Variants in SCAMP1 observed in about 807,000 individuals in gnomAD.
SCAMP1 encodes the protein secretory carrier membrane protein 1, also known as secretory carrier-associated membrane protein 1.
Under a neutral mutation model 41.8 loss-of-function variants are expected in SCAMP1, and 15 were observed. The observed-to-expected ratio is 0.36, with a 90% CI of 0.24 to 0.55. The LOEUF (loss-of-function observed/expected upper bound fraction) is 0.55, where lower values mean the gene tolerates loss of function less well. Ranked by LOEUF, SCAMP1 falls within the 20% of genes least tolerant of loss-of-function variation. The pLI is 0.86. For missense variants in SCAMP1, 341 were observed against 412.6 expected (o/e 0.83, Z 1.50); for synonymous variants, 135 against 136.8 (o/e 0.99, Z 0.09).
At chr5:78,443,725 C>A (rs1168610844) in intron 6 of SCAMP1, among the ~76,000 whole-genome samples, 2 of 133,804 alleles carry the variant, frequency 1.5e-5, no homozygotes, top group African/African-American at 5.5e-5. Context: ...AGTAGCACAA[C>A]CATTGTTCAT....
At chr5:78,436,514 G>A (rs1294459899) in intron 6 of SCAMP1, among the ~76,000 whole-genome samples, 2 of 152,174 alleles carry the variant, frequency 1.3e-5, no homozygotes, top group Non-Finnish European at 2.9e-5. Context: ...TGTCAGGTTT[G>A]TCAAAGATCA....
intron 8 of SCAMP1, among the ~76,000 whole-genome samples, chr5:78,471,081 G>A (rs570576306): frequency 5.3e-4 from 81 of 152,286 alleles, no homozygotes; most frequent in Non-Finnish European, 1.0e-3. Flanking sequence ...TTTAGGGGGT[G>A]TAACAATGAG....
chr5:78,372,297 C>G (rs1750961735), intron 1 of SCAMP1, among the ~76,000 whole-genome samples: 1 of 152,158 alleles, frequency 6.6e-6, no homozygotes. Context: ...CCAGTCATGG[C>G]CAGGAGTTGG....
At chr5:78,408,167 A>G (rs527621446) in intron 2 of SCAMP1, among the ~76,000 whole-genome samples, 1 of 152,198 alleles carries the variant, frequency 6.6e-6, no homozygotes, top group East Asian at 1.9e-4. Context: ...GCAGTTCTAC[A>G]TGGCTGAGGA....
chr5:78,379,372 C>G (rs1751142877), intron 1 of SCAMP1, among the ~76,000 whole-genome samples: 1 of 152,208 alleles, frequency 6.6e-6, no homozygotes. Flanking sequence ...CTATGGCTTC[C>G]TCAACACTAC....
At chr5:78,374,932 A>G (rs778083826) in intron 1 of SCAMP1, among the ~76,000 whole-genome samples, 10 of 152,204 alleles carry the variant, frequency 6.6e-5, no homozygotes, top group Non-Finnish European at 1.3e-4. Flanking sequence ...CGCTAAATAC[A>G]CTTGTCTTAG....
intron 1 of SCAMP1, among the ~76,000 whole-genome samples, chr5:78,387,555 GTTTT>G (rs1055434435): frequency 6.6e-6 from 1 of 151,418 alleles, no homozygotes; most frequent in Non-Finnish European, 1.5e-5. Context: ...TACTGGAATT[GTTTT>G]TTTTGTTTCT....
chr5:78,431,908 A>C (rs1389966626), intron 6 of SCAMP1, among the ~76,000 whole-genome samples: 1 of 152,118 alleles, frequency 6.6e-6, no homozygotes, highest in African/African-American at 2.4e-5. Context: ...ATTGTGTAAT[A>C]ATTACACTAT....
chr5:78,439,382 C>A (rs923891164), intron 6 of SCAMP1, among the ~76,000 whole-genome samples: 2 of 149,072 alleles, frequency 1.3e-5, no homozygotes, highest in Admixed American at 1.3e-4. Flanking sequence ...TTAGTGCTTC[C>A]TTCAGGAGCT....
intron 6 of SCAMP1, among the ~76,000 whole-genome samples, chr5:78,435,545 G>A (rs1265344249): frequency 6.6e-6 from 1 of 152,208 alleles, no homozygotes; most frequent in African/African-American, 2.4e-5. Flanking sequence ...TCCCCGCAAA[G>A]GACATGAACT....
intron 2 of SCAMP1, among the ~76,000 whole-genome samples, chr5:78,391,879 C>A (rs1037269808): frequency 3.3e-5 from 5 of 152,166 alleles, no homozygotes; most frequent in Admixed American, 6.5e-5. Context: ...TGGCGGCGCG[C>A]GCCTGCAATC....
In SCAMP1 at chr5:78,405,900, G is replaced by A. The variant is rs187010055; in HGVS notation, c.136-9620G>A. Among the ~76,000 whole-genome samples, 5 of 152,228 alleles carry A rather than the reference G, an allele frequency of 3.3e-5. No homozygotes were observed. The East Asian group carries it at 9.6e-4, about 29-fold the overall frequency. The stretch of plus-strand genomic sequence containing the variant: ...TAATCTTCAAAAACCTTATTTTAAA[G>A]TGATTAGTCTAATAAAGTTATGTCT... On this transcript the variant is annotated intron_variant, in intron 2 of 8. Coordinates refer to ENST00000621999, the MANE Select transcript of SCAMP1 (RefSeq NM_004866.6).
chr5:78,441,291 C>A (rs1396723081), intron 6 of SCAMP1, among the ~76,000 whole-genome samples: 1 of 152,192 alleles, frequency 6.6e-6, no homozygotes, highest in Non-Finnish European at 1.5e-5. Flanking sequence ...GTCGATCATG[C>A]TGGGAGCTGC....
intron 6 of SCAMP1, among the ~76,000 whole-genome samples, chr5:78,423,131 G>A (rs1367701307): frequency 6.6e-6 from 1 of 152,070 alleles, no homozygotes; most frequent in Non-Finnish European, 1.5e-5. Context: ...AGGGAATTTG[G>A]AGAGAAAATG....
chr5:78,467,470 C>G (rs1285491594), intron 8 of SCAMP1, among the ~76,000 whole-genome samples: 1 of 152,120 alleles, frequency 6.6e-6, no homozygotes, highest in East Asian at 1.9e-4. Context: ...GGATCCACCA[C>G]ACAAAGGAAA....
At chr5:78,373,681 G>A (rs185724906) in intron 1 of SCAMP1, among the ~76,000 whole-genome samples, 1 of 152,210 alleles carries the variant, frequency 6.6e-6, no homozygotes, top group East Asian at 1.9e-4. Context: ...ATGTTTTCAT[G>A]TAGTTCCTAT....
intron 2 of SCAMP1, among the ~76,000 whole-genome samples, chr5:78,391,420 ACCTC>A (rs1751497848): frequency 2.8e-5 from 4 of 142,042 alleles, no homozygotes; most frequent in South Asian, 2.3e-4. Context: ...TGACCCCCCC[ACCTC>A]CCTCCCGGAC....
intron 8 of SCAMP1, among the ~76,000 whole-genome samples, chr5:78,461,388 C>A (rs750168581): frequency 3.9e-5 from 6 of 152,178 alleles, no homozygotes; most frequent in African/African-American, 1.4e-4. Flanking sequence ...TATTCTTCTG[C>A]ATGTGGCTAG....
chr5:78,417,107 T>C (rs1012978549), intron 4 of SCAMP1, among the ~76,000 whole-genome samples: 1 of 152,230 alleles, frequency 6.6e-6, no homozygotes, highest in Non-Finnish European at 1.5e-5. Flanking sequence ...GGTATTCATA[T>C]GATGCCAAAG....
Sources: allele counts gnomAD v4.1 joint callset (sites outside exome capture counted in the v4.1 genomes callset), GRCh38; gene constraint gnomAD v4.1.1; transcripts MANE v1.5; gene names NCBI Gene and HGNC (gene_info 2026-07-23, HGNC 2026-07-21).